HIBADH: variants seen among roughly 807,000 people sequenced by gnomAD.
The protein encoded by HIBADH is 3-hydroxyisobutyrate dehydrogenase, also known as 3-hydroxyisobutyrate dehydrogenase, mitochondrial.
Under a neutral mutation model 36.1 loss-of-function variants are expected in HIBADH, and 25 were observed. That is an observed-to-expected ratio of 0.69 (90% CI 0.50 to 0.97). The LOEUF is 0.97. Among genes scored for constraint, HIBADH ranks in the 50% least tolerant of loss-of-function variants. HIBADH has a pLI of 0.00. For missense variants in HIBADH, 421 were observed against 418.0 expected, an observed-to-expected ratio of 1.01 and a Z score of -0.06; for synonymous variants, 160 against 149.5, an observed-to-expected ratio of 1.07 and a Z score of -0.51.
intron 2 of HIBADH, among the ~76,000 whole-genome samples, chr7:27,635,058 C>T (rs1200024550): frequency 1.4e-5 from 2 of 147,976 alleles, no homozygotes; most frequent in Admixed American, 6.9e-5. Context: ...ATAACACACA[C>T]TCTCTCTCTT....
chr7:27,555,129 ATTATT>A (rs1784372925), intron 4 of HIBADH, among the ~76,000 whole-genome samples: 2 of 152,048 alleles, frequency 1.3e-5, no homozygotes, highest in Non-Finnish European at 2.9e-5. Context: ...TAGTTTAAAA[ATTATT>A]TTATTTTTGG....
intron 2 of HIBADH, among the ~76,000 whole-genome samples, chr7:27,639,767 A>G (rs1390119737): frequency 1.3e-5 from 2 of 152,180 alleles, no homozygotes; most frequent in African/African-American, 2.4e-5. Context: ...AAACGTCCAC[A>G]TATTTTATGA....
chr7:27,653,061 G>A (rs962739453), intron 1 of HIBADH, among the ~76,000 whole-genome samples: 2 of 152,046 alleles, frequency 1.3e-5, no homozygotes, highest in Non-Finnish European at 2.9e-5. Context: ...CATAGGGGGT[G>A]GAGGATGCAG....
At chr7:27,581,659 C>T (rs1784791161) in intron 4 of HIBADH, among the ~76,000 whole-genome samples, 1 of 152,092 alleles carries the variant, frequency 6.6e-6, no homozygotes, top group South Asian at 2.1e-4. Flanking sequence ...AGCTAATTAA[C>T]ATATCCATCA....
intron 1 of HIBADH, among the ~76,000 whole-genome samples, chr7:27,659,274 T>C (rs987069143): frequency 6.6e-6 from 1 of 152,238 alleles, no homozygotes; most frequent in African/African-American, 2.4e-5. Flanking sequence ...AGCTGTAGAT[T>C]TTCTTCTCTG....
intron 2 of HIBADH, among the ~76,000 whole-genome samples, chr7:27,633,989 A>G (rs1315133025): frequency 6.6e-6 from 1 of 152,222 alleles, no homozygotes; most frequent in Admixed American, 6.5e-5. Flanking sequence ...AGCCAAACAG[A>G]GTGTGTAATC....
chr7:27,653,354 TG>T (rs1786232592), intron 1 of HIBADH, among the ~76,000 whole-genome samples: 1 of 152,070 alleles, frequency 6.6e-6, no homozygotes. Context: ...AATACCTAAG[TG>T]AAGAAATCAA....
intron 4 of HIBADH, among the ~76,000 whole-genome samples, chr7:27,569,687 C>T (rs956343440): frequency 1.3e-5 from 2 of 152,074 alleles, no homozygotes; most frequent in African/African-American, 4.8e-5. Context: ...CCCACTGCCA[C>T]CCGGTCCTCT....
chr7:27,615,188 A>T (rs1183305202), intron 4 of HIBADH, among the ~76,000 whole-genome samples: 2 of 152,152 alleles, frequency 1.3e-5, no homozygotes, highest in Non-Finnish European at 2.9e-5. Context: ...AGTTATGAGA[A>T]TCCCTTCTGA....
intron 4 of HIBADH, among the ~76,000 whole-genome samples, chr7:27,567,037 G>A (rs1169574762): frequency 6.6e-6 from 1 of 152,060 alleles, no homozygotes; most frequent in Non-Finnish European, 1.5e-5. Context: ...ATGTCAATTA[G>A]GTTCATTTGA....
At chr7:27,604,440 T>A (rs1480433953) in intron 4 of HIBADH, among the ~76,000 whole-genome samples, 1 of 140,802 alleles carries the variant, frequency 7.1e-6, no homozygotes, top group Non-Finnish European at 1.5e-5. Context: ...TTTTTTTTTT[T>A]AATGTTGGCT....
chr7:27,628,757 T>C (rs1449755960), intron 4 of HIBADH, among the ~76,000 whole-genome samples: 1 of 152,102 alleles, frequency 6.6e-6, no homozygotes, highest in Non-Finnish European at 1.5e-5. Context: ...GGATTCAGTT[T>C]GCTAATATAA....
intron 4 of HIBADH, among the ~76,000 whole-genome samples, chr7:27,569,421 G>A: frequency 6.6e-6 from 1 of 151,880 alleles, no homozygotes; most frequent in East Asian, 1.9e-4. Context: ...TGAGACTCTG[G>A]GTCTTGCTCC....
intron 3 of HIBADH, among the ~76,000 whole-genome samples, chr7:27,630,607 T>C (rs1371497173): frequency 6.6e-6 from 1 of 151,964 alleles, no homozygotes; most frequent in Non-Finnish European, 1.5e-5. Context: ...GCACACAAAA[T>C]GGTTTAAACA....
intron 6 of HIBADH, among the ~76,000 whole-genome samples, chr7:27,533,618 CCT>C (rs759556888): frequency 1.3e-5 from 2 of 152,244 alleles, no homozygotes; most frequent in South Asian, 2.1e-4. Flanking sequence ...TTACTGAAGT[CCT>C]CTGTTTTCCA....
rs533389664 is a variant in HIBADH at position 27,626,839 on chromosome 7, T to C, written c.484+2532A>G. Among the ~76,000 whole-genome samples, 30 of 152,280 alleles carry C rather than the reference T, an allele frequency of 2.0e-4. No individual in the cohort carries two copies. In the East Asian group the frequency reaches 2.3e-3, roughly 12 times the overall value. On this transcript the variant is annotated intron_variant, in intron 4 of 7. Transcript: ENST00000265395. ...ATTTTTTAAAGTCTGGAATAGGAAA[T>C]AGATGAAGACTTGGGAGAAAGGGAT...
intron 4 of HIBADH, among the ~76,000 whole-genome samples, chr7:27,612,434 T>G (rs1785337727): frequency 6.6e-6 from 1 of 151,766 alleles, no homozygotes; most frequent in South Asian, 2.1e-4. Flanking sequence ...CAAACGATTC[T>G]CCTGCTGCTG....
intron 2 of HIBADH, among the ~76,000 whole-genome samples, chr7:27,645,886 T>G (rs1786059623): frequency 6.6e-6 from 1 of 152,216 alleles, no homozygotes; most frequent in Non-Finnish European, 1.5e-5. Context: ...TGCAAATATT[T>G]TATCCCATTC....
At chr7:27,578,391 C>T (rs1413514561) in intron 4 of HIBADH, among the ~76,000 whole-genome samples, 1 of 151,720 alleles carries the variant, frequency 6.6e-6, no homozygotes, top group Non-Finnish European at 1.5e-5. Flanking sequence ...TCTCAGCTCA[C>T]TGCAACCTCC....
Sources: gnomAD v4.1 joint callset for allele counts (sites outside exome capture counted in the v4.1 genomes callset) on GRCh38, gnomAD v4.1.1 for gene constraint, MANE v1.5 for transcripts, NCBI Gene and HGNC (gene_info 2026-07-23, HGNC 2026-07-21) for gene names.